The following MGST1 variants were observed in gnomAD, a reference collection of about 807,000 sequenced individuals.
The protein encoded by MGST1 is microsomal glutathione S-transferase 1, also known as glutathione S-transferase 12.
In MGST1, 5 loss-of-function variants were observed where a neutral mutation model predicts 8.9. The observed-to-expected ratio is 0.56, with a 90% CI of 0.29 to 1.19. MGST1 has a LOEUF of 1.19. Among genes scored for constraint, MGST1 ranks in the 50% most tolerant of loss-of-function variants. MGST1 has a pLI of 0.08. For synonymous variants in MGST1, 54 were observed against 67.8 expected (o/e 0.80, Z 1.00); for missense variants, 182 against 187.4 (o/e 0.97, Z 0.17).
At chr12:16,382,525 G>T (rs916082841), upstream of MGST1, among the ~76,000 whole-genome samples, 1 of 152,156 alleles carries the variant, frequency 6.6e-6, no homozygotes, top group African/African-American at 2.4e-5. Flanking sequence ...GTACCCGGCC[G>T]TGTGAGGTGT....
At chr12:16,495,536 T>C (rs1941464285) in intron 4 of MGST1, among the ~76,000 whole-genome samples, 2 of 152,110 alleles carry the variant, frequency 1.3e-5, no homozygotes, top group South Asian at 4.1e-4. Flanking sequence ...ATTTGGAACT[T>C]TGATGCTCAT....
chr12:16,370,784 T>A (rs1043555660), intron 3 of MGST1, among the ~76,000 whole-genome samples: 1 of 152,168 alleles, frequency 6.6e-6, no homozygotes, highest in African/African-American at 2.4e-5. Flanking sequence ...TTTGAAATAT[T>A]CTGTGACTCT....
chr12:16,422,427 C>T (rs1251305361), intron 1 of MGST1, among the ~76,000 whole-genome samples: 1 of 152,108 alleles, frequency 6.6e-6, no homozygotes, highest in Non-Finnish European at 1.5e-5. Flanking sequence ...AACAAAATGG[C>T]CTATTTTCAG....
intron 4 of MGST1, among the ~76,000 whole-genome samples, chr12:16,577,621 G>A: frequency 6.6e-6 from 1 of 152,098 alleles, no homozygotes; most frequent in East Asian, 1.9e-4. Flanking sequence ...TTTTGGAAGA[G>A]GACAAGTAAG....
intron 1 of MGST1, among the ~76,000 whole-genome samples, chr12:16,386,691 CA>C (rs1178796911): frequency 6.6e-6 from 1 of 152,192 alleles, no homozygotes; most frequent in Non-Finnish European, 1.5e-5. Flanking sequence ...AAACTGTGTA[CA>C]GTAGGCCCCC....
chr12:16,394,719 T>C (rs1395234904), intron 1 of MGST1, among the ~76,000 whole-genome samples: 1 of 151,946 alleles, frequency 6.6e-6, no homozygotes. Context: ...TGCCTCAGGC[T>C]CCAAGTAGCT....
At chr12:16,360,797 G>A (rs1939954374) in intron 3 of MGST1, among the ~76,000 whole-genome samples, 1 of 152,110 alleles carries the variant, frequency 6.6e-6, no homozygotes, top group African/African-American at 2.4e-5. Context: ...CACTTGCTGG[G>A]GACTCTGTCA....
intron 4 of MGST1, among the ~76,000 whole-genome samples, chr12:16,501,115 AAAAG>A (rs1171381031): frequency 1.3e-4 from 19 of 151,848 alleles, no homozygotes; most frequent in African/African-American, 3.9e-4. Context: ...AAAAAAAAAA[AAAAG>A]AAAGAAAGAG....
In MGST1 at chr12:16,430,779, A is replaced by G. The variant is rs1005812029; in HGVS notation, n.779-6609A>G. Among the ~76,000 whole-genome samples the G allele has an allele frequency of 3.9e-5, 6 of 152,160 alleles. No individual in the cohort carries two copies. The East Asian group carries it at 1.2e-3, about 29-fold the overall frequency. ...GCCCCTGGGATTTTCAGAATAGTAA[A>G]TGAGCATTAGCTTCAACTGAGTTAC... On this transcript the variant is annotated intron_variant and non_coding_transcript_variant, in intron 1 of 1. Coordinates refer to the MGST1 transcript ENST00000359720.
intron 4 of MGST1, among the ~76,000 whole-genome samples, chr12:16,534,646 C>T (rs1941743526): frequency 6.6e-6 from 1 of 152,082 alleles, no homozygotes; most frequent in Non-Finnish European, 1.5e-5. Context: ...CGGAAATAGA[C>T]TTGCAGGACA....
At chr12:16,564,158 CAG>C (rs1942505233) in intron 4 of MGST1, among the ~76,000 whole-genome samples, 3 of 152,084 alleles carry the variant, frequency 2.0e-5, no homozygotes, top group Admixed American at 6.6e-5. Context: ...TATCTAAAAA[CAG>C]ACATGAATAT....
downstream of MGST1, among the ~76,000 whole-genome samples, chr12:16,381,357 T>C (rs1253229973): frequency 6.6e-6 from 1 of 152,198 alleles, no homozygotes; most frequent in Non-Finnish European, 1.5e-5. Flanking sequence ...TCTCTCAGCA[T>C]TTGCTTGTCT....
chr12:16,523,654 T>C (rs1032558225), intron 4 of MGST1, among the ~76,000 whole-genome samples: 37 of 152,210 alleles, frequency 2.4e-4, no homozygotes, highest in African/African-American at 8.2e-4. Flanking sequence ...AAAAAATGAC[T>C]ATCCATTCTT....
At chr12:16,352,653 C>T (rs1939522276) in intron 1 of MGST1, among the ~76,000 whole-genome samples, 1 of 152,216 alleles carries the variant, frequency 6.6e-6, no homozygotes, top group African/African-American at 2.4e-5. Flanking sequence ...TGGCCTTCCT[C>T]TTCAGCACAT....
chr12:16,499,982 GTGTT>G (rs1392859037), intron 4 of MGST1, among the ~76,000 whole-genome samples: 1 of 152,190 alleles, frequency 6.6e-6, no homozygotes, highest in Non-Finnish European at 1.5e-5. Flanking sequence ...ATGAAAAAAA[GTGTT>G]TGGTGAGTCA....
chr12:16,538,919 C>A (rs1445266409), intron 4 of MGST1, among the ~76,000 whole-genome samples: 2 of 152,122 alleles, frequency 1.3e-5, no homozygotes, highest in Non-Finnish European at 2.9e-5. Context: ...AAAGGCACTT[C>A]TTACATGGCA....
intron 4 of MGST1, among the ~76,000 whole-genome samples, chr12:16,556,820 T>TGTC (rs1942209631): frequency 6.6e-6 from 1 of 152,200 alleles, no homozygotes; most frequent in African/African-American, 2.4e-5. Context: ...CGCATTAGTT[T>TGTC]GTCTTGTAGG....
At chr12:16,484,081 T>A (rs1020650100) in intron 4 of MGST1, among the ~76,000 whole-genome samples, 7 of 152,172 alleles carry the variant, frequency 4.6e-5, no homozygotes, top group African/African-American at 1.7e-4. Flanking sequence ...ATTAAAAATA[T>A]CCTCAAAGCA....
In MGST1 at chr12:16,389,635, G is replaced by A. The variant is rs1381387229; in HGVS notation, n.778+6031G>A. On this transcript the variant is annotated intron_variant and non_coding_transcript_variant, in intron 1 of 1. Coordinates refer to the MGST1 transcript ENST00000359720. This position sits in a 1 kb window ranked among gnomAD's most constrained non-coding sequence, Gnocchi z 4.6. ...TATGACATGAGTACCTCATAGGAGG[G>A]ACTACAGAGAAGCAAGGATTCCAGA... 2.0e-5 allele frequency among the ~76,000 whole-genome samples: 3 copies of A among 152,292 alleles called. No individual in the cohort carries two copies. The East Asian group carries it at 5.8e-4, about 29-fold the overall frequency.
Sources: gnomAD v4.1 joint callset for allele counts (sites outside exome capture counted in the v4.1 genomes callset) on GRCh38, gnomAD v4.1.1 for gene constraint, Gnocchi (gnomAD v3.1) non-coding constraint, MANE v1.5 for transcripts, NCBI Gene and HGNC (gene_info 2026-07-23, HGNC 2026-07-21) for gene names.